WSCD2: variants seen among roughly 807,000 people sequenced by gnomAD.
WSCD2 encodes the protein WSC domain sialate O sulfotransferase 2, also known as sialate:O-sulfotransferase 2.
In WSCD2, 28 loss-of-function variants were observed where a neutral mutation model predicts 55.7. The ratio of observed to expected loss-of-function variants is 0.50; its 90% CI spans 0.37 to 0.69. The LOEUF (loss-of-function observed/expected upper bound fraction) is 0.69, where lower values mean the gene tolerates loss of function less well. Ranked by LOEUF, WSCD2 falls within the 30% of genes least tolerant of loss-of-function variation. WSCD2 has a pLI of 0.00. For synonymous variants in WSCD2, 301 were observed against 301.9 expected, an observed-to-expected ratio of 1.00 and a Z score of 0.03; for missense variants, 616 against 762.1, an observed-to-expected ratio of 0.81 and a Z score of 2.26.
chr12:108,166,745 CTTCTTTCTTTCTTTCTT>C (rs1402145063), intron 1 of WSCD2, among the ~76,000 whole-genome samples: 7,185 of 49,360 alleles, frequency 0.15, 247 homozygotes, highest in Non-Finnish European at 0.22. Context: ...TCTTTCTTTC[CTTCTTTCTTTCTTTCTT>C]TTCTTTCTTT....
At chr12:108,177,783 G>A (rs1045682603) in intron 1 of WSCD2, among the ~76,000 whole-genome samples, 3 of 152,078 alleles carry the variant, frequency 2.0e-5, no homozygotes, top group Non-Finnish European at 4.4e-5. Context: ...GCTCAAGAAT[G>A]TACAAAGCTA....
chr12:108,186,012 C>T (rs568003235), intron 1 of WSCD2, among the ~76,000 whole-genome samples: 6 of 152,218 alleles, frequency 3.9e-5, no homozygotes, highest in African/African-American at 1.4e-4. Flanking sequence ...GTGACCTGCA[C>T]CTTGGGTCCC....
At chr12:108,218,654 C>T (rs1887121685) in intron 4 of WSCD2, among the ~76,000 whole-genome samples, 2 of 152,206 alleles carry the variant, frequency 1.3e-5, no homozygotes, top group African/African-American at 4.8e-5. Flanking sequence ...TGGGGCCATG[C>T]TCTTAGAGGA....
At chr12:108,197,967 C>T (rs564881375) in intron 2 of WSCD2, among the ~76,000 whole-genome samples, 1 of 148,906 alleles carries the variant, frequency 6.7e-6, no homozygotes, top group African/African-American at 2.5e-5. Flanking sequence ...TTGCATAGCT[C>T]CCTTCTTCCT....
intron 3 of WSCD2, among the ~76,000 whole-genome samples, chr12:108,208,767 T>A (rs1885756972): frequency 6.6e-6 from 1 of 152,204 alleles, no homozygotes; most frequent in South Asian, 2.1e-4. Flanking sequence ...CTGCAGGGTG[T>A]CTATCAGGGA....
chr12:108,131,276 G>T (rs1592853752), intron 1 of WSCD2, among the ~76,000 whole-genome samples: 2 of 152,162 alleles, frequency 1.3e-5, no homozygotes, highest in African/African-American at 4.8e-5. Flanking sequence ...TTCAGTTGCT[G>T]CTTCTCAAAA....
Position 108,248,895 on chromosome 12 carries a change from G to GT in WSCD2, c.*555dup. The stretch of plus-strand genomic sequence containing the variant: ...CTGGGAAGTTTCTCCGTGGCCTTAG[G>GT]TTTCTGACATCCTGGATAGTGTGGG... On this transcript the variant is annotated 3_prime_UTR_variant, in exon 9 of 9. Coordinates refer to ENST00000547525, the MANE Select transcript of WSCD2 (RefSeq NM_014653.4). The surrounding 1 kb of genome is among the most constrained non-coding windows in gnomAD (Gnocchi z 4.3). 3 of 988,694 alleles carry GT rather than the reference G, an allele frequency of 3.0e-6. No individual in the cohort carries two copies. The highest frequency in any genetic ancestry group is 3.6e-6 in the Non-Finnish European group (3 of 831,714). The allele number at this position is 988,694 out of a possible 1,614,324, so 61.2% of individuals were successfully genotyped here.
rs1471751091 is a variant in WSCD2, at chr12:108,185,478, A to G, written c.-551-9804A>G. 2.6e-5 allele frequency among the ~76,000 whole-genome samples: 4 copies of G among 152,090 alleles called. No individual in the cohort carries two copies. In the East Asian group the frequency reaches 7.7e-4, roughly 29 times the overall value. ...CAGATCTCAGCTCAAATGCCTTCTG[A>G]GAGGGGCCTTTGGGAACCACCCTAC... On this transcript the variant is annotated intron_variant, in intron 1 of 8. Transcript: ENST00000547525.
At chr12:108,154,202 ACAG>A (rs535582949) in intron 1 of WSCD2, among the ~76,000 whole-genome samples, 152 of 152,274 alleles carry the variant, frequency 1.0e-3, no homozygotes, top group Non-Finnish European at 1.6e-3. Flanking sequence ...ATAGCTTAAA[ACAG>A]CACGCATTTA....
chr12:108,227,949 T>G (rs1888322570), intron 6 of WSCD2, among the ~76,000 whole-genome samples: 1 of 152,074 alleles, frequency 6.6e-6, no homozygotes, highest in African/African-American at 2.4e-5. Context: ...TCTTGAGGTC[T>G]TACTCTGTGC....
chr12:108,153,677 G>A (rs1052999126), intron 1 of WSCD2, among the ~76,000 whole-genome samples: 1 of 152,210 alleles, frequency 6.6e-6, no homozygotes, highest in Non-Finnish European at 1.5e-5. Flanking sequence ...ATGTTCTTTG[G>A]TAGAGGGGCT....
chr12:108,226,419 A>C (rs1386067937), intron 5 of WSCD2, among the ~76,000 whole-genome samples: 1 of 152,096 alleles, frequency 6.6e-6, no homozygotes, highest in Non-Finnish European at 1.5e-5. Flanking sequence ...TTCCCAAAGC[A>C]TGGGTCTCAT....
At chr12:108,225,587 A>G (rs1466907794) in intron 5 of WSCD2, among the ~76,000 whole-genome samples, 3 of 148,466 alleles carry the variant, frequency 2.0e-5, no homozygotes, top group Admixed American at 6.8e-5. Flanking sequence ...GTGTGTGAGC[A>G]GAGGCCAGGC....
At chr12:108,232,649 G>A (rs1888894797) in intron 6 of WSCD2, 82 bp from the exon 7 acceptor site, 1 of 1,370,380 alleles carries the variant, frequency 7.3e-7, no homozygotes, top group South Asian at 1.4e-5. Flanking sequence ...AAGTGGCAGG[G>A]GTGTGACTCA....
At chr12:108,147,953 C>A (rs1298686576) in intron 1 of WSCD2, among the ~76,000 whole-genome samples, 3 of 152,208 alleles carry the variant, frequency 2.0e-5, no homozygotes, top group African/African-American at 4.8e-5. Flanking sequence ...ATCACTTTCA[C>A]CCCCTCCATC....
At chr12:108,244,416 C>A in intron 8 of WSCD2, 1 of 680,032 alleles carries the variant, frequency 1.5e-6, no homozygotes, top group Non-Finnish European at 2.7e-6. Flanking sequence ...GATGTTTGGA[C>A]TAAAATGATG....
chr12:108,199,603 C>T (rs1310373257), intron 2 of WSCD2, among the ~76,000 whole-genome samples: 2 of 152,192 alleles, frequency 1.3e-5, no homozygotes, highest in Non-Finnish European at 2.9e-5. Context: ...CATCAGATGG[C>T]GTTGTGATGA....
chr12:108,172,492 G>A (rs1334905202), intron 1 of WSCD2, among the ~76,000 whole-genome samples: 1 of 152,180 alleles, frequency 6.6e-6, no homozygotes, highest in South Asian at 2.1e-4. Flanking sequence ...CTTTGCAGCT[G>A]TAACTAGTTA....
In WSCD2 at chr12:108,243,571, G is replaced by A. The variant is rs75182137; in HGVS notation, c.1345+3027G>A. Reference sequence around the variant, plus strand: ...TTAACAAAACCCTCCAGGTGATACCGATGAGCACCCTAGTTTAAGAACCAT... The same window carrying A: ...TTAACAAAACCCTCCAGGTGATACCAATGAGCACCCTAGTTTAAGAACCAT... On this transcript the variant is annotated intron_variant, in intron 8 of 8. Transcript: ENST00000547525. Among the ~76,000 whole-genome samples the A allele has an allele frequency of 1.1e-3, 172 of 152,242 alleles. 1 individual carries two copies. Among genetic ancestry groups the A allele is most frequent in the Non-Finnish European group, 2.0e-3 (134 of 68,020 alleles).
Sources: allele counts gnomAD v4.1 joint callset (sites outside exome capture counted in the v4.1 genomes callset), GRCh38; gene constraint gnomAD v4.1.1; non-coding constraint Gnocchi (gnomAD v3.1); transcripts MANE v1.5; gene names NCBI Gene and HGNC (gene_info 2026-07-23, HGNC 2026-07-21).